CNTRL: variants seen among roughly 807,000 people sequenced by gnomAD.
CNTRL encodes the protein 110 kDa centrosomal protein.
CNTRL carries 233 observed loss-of-function variants against 303.7 expected under a neutral mutation model. The observed-to-expected ratio is 0.77, with a 90% CI of 0.69 to 0.86. CNTRL has a LOEUF of 0.86. Among genes scored for constraint, CNTRL ranks in the 40% least tolerant of loss-of-function variants. The pLI, the probability that CNTRL is intolerant of heterozygous loss-of-function variation, is 0.00. For synonymous variants in CNTRL, 900 were observed against 922.2 expected (o/e 0.98, Z 0.44); for missense variants, 2,524 against 2,650.6 (o/e 0.95, Z 1.05).
In CNTRL at chr9:121,113,524, CAGATGAAAGCCCT is replaced by C; in HGVS notation, c.1146_1158del (p.Asp383ThrfsTer41). On this transcript the variant is annotated frameshift_variant, in exon 10 of 44. Transcript: ENST00000373855. LOFTEE classifies it high-confidence loss of function. ...TAGTATGCTGAAATTGATAAAGCCC[CAGATGAAAGCCCT>C]TACATTGGCAAATCCAGATACAAGA... 9 of 1,581,804 alleles carry C rather than the reference CAGATGAAAGCCCT, an allele frequency of 5.7e-6. No individual in the cohort carries two copies. The highest frequency in any genetic ancestry group is 7.7e-6 in the Non-Finnish European group (9 of 1,169,550).
chr9:121,123,199 T>C (rs2050328652), intron 12 of CNTRL, among the ~76,000 whole-genome samples: 1 of 152,168 alleles, frequency 6.6e-6, no homozygotes, highest in South Asian at 2.1e-4. Context: ...CCAGGTATAA[T>C]TCTTGTTAGC....
chr9:121,123,388 T>C (rs2050339392), intron 12 of CNTRL, among the ~76,000 whole-genome samples: 1 of 152,152 alleles, frequency 6.6e-6, no homozygotes, highest in African/African-American at 2.4e-5. Flanking sequence ...CAGATCAGCC[T>C]GGCCAACATG....
chr9:121,138,633 A>C lies in CNTRL; in HGVS notation c.2291A>C (p.Lys764Thr), dbSNP rs777685191. 2.5e-6 allele frequency: 4 copies of C among 1,613,958 alleles called. No individual in the cohort carries two copies. The South Asian group carries it at 3.3e-5, about 13-fold the overall frequency. ...ALGKAQFSEE[K>T]EQENSELHAK... The stretch of plus-strand genomic sequence containing the variant: ...GGAAAAGCCCAGTTCTCAGAAGAAA[A>C]GGAGCAAGAGAACAGTGAGCTCCAT... Residue 764 changes from lysine to threonine, a missense_variant, in exon 16 of 44, where the codon AAG becomes ACG. By Grantham distance (78) the Lys-to-Thr change is moderately conservative. Coordinates refer to ENST00000373855, the MANE Select transcript of CNTRL (RefSeq NM_007018.6).
chr9:121,173,533 C>T (rs771872350), intron 41 of CNTRL, 24 bp downstream of exon 41: 9 of 1,611,074 alleles, frequency 5.6e-6, no homozygotes, highest in Non-Finnish European at 7.6e-6. Flanking sequence ...CTGCTATTCT[C>T]TGGGTTCGTA....
Position 121,171,422 on chromosome 9 carries a change from G to C in CNTRL, c.6291G>C (p.Glu2097Asp), listed in dbSNP as rs1263584294. 3.0e-5 allele frequency: 48 copies of C among 1,613,886 alleles called. No homozygotes were observed. The highest frequency in any genetic ancestry group is 3.9e-5 in the Non-Finnish European group (46 of 1,179,926). Residue 2097 changes from glutamate to aspartate, a missense_variant, in exon 40 of 44, where the codon GAG (glutamate) becomes GAC (aspartate). Glu to Asp is a conservative substitution (Grantham distance 45). Transcript: ENST00000373855. ...LEKNLLEQKQ[E>D]NSCIQKEMAT... ...TCCTGTGCTAGGAGCAAAAACAGGA[G>C]AACAGCTGCATACAAAAGGAAATGG... is the stretch of plus-strand genomic sequence containing the variant.
In CNTRL at chr9:121,135,787, A is replaced by T; in HGVS notation, c.2026-19A>T. 1 of 1,592,708 alleles carries T rather than the reference A, an allele frequency of 6.3e-7. No individual in the cohort carries two copies. Among genetic ancestry groups the T allele is most frequent in the South Asian group, 1.1e-5 (1 of 88,872 alleles). Reference sequence around the variant, plus strand: ...AGCACAGTGAGGGTTCCATAGTTAAACCCACTGAATCTTTCTAGGAGCTTG... The same window carrying T: ...AGCACAGTGAGGGTTCCATAGTTAATCCCACTGAATCTTTCTAGGAGCTTG... On this transcript the variant is annotated intron_variant, in intron 14 of 43. Transcript: ENST00000373855.
intron 12 of CNTRL, 117 bp downstream of exon 12, chr9:121,118,657 A>C: frequency 1.3e-6 from 1 of 789,306 alleles, no homozygotes; most frequent in Non-Finnish European, 1.9e-6. Context: ...GTACAAATTT[A>C]AGTGATATAT....
At chr9:121,172,545 G>A (rs192413934) in intron 40 of CNTRL, among the ~76,000 whole-genome samples, 1 of 152,226 alleles carries the variant, frequency 6.6e-6, no homozygotes, top group South Asian at 2.1e-4. Context: ...GGAGGCTGAG[G>A]GGGGAGGATT....
chr9:121,120,333 TA>T (rs1485898750), intron 12 of CNTRL, among the ~76,000 whole-genome samples: 6 of 152,230 alleles, frequency 3.9e-5, no homozygotes, highest in Non-Finnish European at 8.8e-5. Context: ...AACAAAAGCC[TA>T]AAAATTGAAA....
At position 121,165,032 on chromosome 9, in the gene CNTRL, T is replaced by G. The variant is rs748013322; in HGVS notation, c.5513T>G (p.Leu1838Arg). 1 of 1,609,956 alleles carries G rather than the reference T, an allele frequency of 6.2e-7. No homozygotes were observed. The highest frequency in any genetic ancestry group is 8.5e-7 in the Non-Finnish European group (1 of 1,178,630). ...ELNVRKLQQE[L>R]DQLNRDKLSL... ...AATGTCAGAAAACTGCAGCAGGAAC[T>G]AGACCAACTAAACAGAGACAAGTTG... Residue 1838 changes from leucine to arginine, a missense_variant, in exon 35 of 44, where the codon CTA (leucine) becomes CGA (arginine). Coordinates refer to ENST00000373855, the MANE Select transcript of CNTRL (RefSeq NM_007018.6).
chr9:121,096,669 C>T, intron 6 of CNTRL, 106 bp downstream of exon 6: 3 of 903,856 alleles, frequency 3.3e-6, no homozygotes, highest in South Asian at 3.4e-5. Flanking sequence ...AGATTTTGCT[C>T]CTTTGACTAA....
intron 14 of CNTRL, among the ~76,000 whole-genome samples, chr9:121,127,045 C>T (rs1240921637): frequency 2.0e-5 from 3 of 152,120 alleles, no homozygotes; most frequent in Non-Finnish European, 4.4e-5. Flanking sequence ...GTCTCGAACT[C>T]CCGACCTCAG....
At chr9:121,173,785 T>C (rs372357452) in intron 42 of CNTRL, 48 bp downstream of exon 42, 52 of 1,540,290 alleles carry the variant, frequency 3.4e-5, no homozygotes, top group African/African-American at 4.1e-5. Flanking sequence ...ACTGGGCACA[T>C]TGGGGAGGGG....
chr9:121,122,434 A>C, intron 12 of CNTRL: 1 of 974,940 alleles, frequency 1.0e-6, no homozygotes, highest in Non-Finnish European at 1.2e-6. Flanking sequence ...GGGGTAAGCA[A>C]ATACATAAAA....
chr9:121,122,346 T>C (rs2050277440), intron 12 of CNTRL: 2 of 946,314 alleles, frequency 2.1e-6, no homozygotes, highest in Non-Finnish European at 1.3e-6. Flanking sequence ...GCTTTACCAG[T>C]AGTAAATTAA....
rs772058029 is a variant in CNTRL at position 121,146,237 on chromosome 9, C to G, written c.3440C>G (p.Pro1147Arg). Residue 1147 changes from proline (P) to arginine (R), a missense_variant, in exon 23 of 44, where the codon CCA becomes CGA. Transcript: ENST00000373855. ...FKRRGYWYFM[P>R]PPPSSKVSSH... The stretch of plus-strand genomic sequence containing the variant: ...AGACGAGGCTATTGGTACTTTATGC[C>G]ACCACCACCATCATCAAAAGTAGGA... 3.1e-6 allele frequency: 5 copies of G among 1,609,242 alleles called. No individual in the cohort carries two copies. The Admixed American group carries it at 8.5e-5, about 27-fold the overall frequency.
At chr9:121,133,636 G>A (rs2051006304) in intron 14 of CNTRL, among the ~76,000 whole-genome samples, 1 of 152,164 alleles carries the variant, frequency 6.6e-6, no homozygotes, top group Non-Finnish European at 1.5e-5. Flanking sequence ...GCCCTGCTTC[G>A]GGTCGCCCTC....
At chr9:121,122,442 A>C (rs944507960) in intron 12 of CNTRL, 1 of 962,392 alleles carries the variant, frequency 1.0e-6, no homozygotes, top group Non-Finnish European at 1.2e-6. Flanking sequence ...CAAATACATA[A>C]AATTGAGTAA....
At chr9:121,103,688 T>G (rs2049302869) in intron 7 of CNTRL, among the ~76,000 whole-genome samples, 1 of 151,924 alleles carries the variant, frequency 6.6e-6, no homozygotes, top group South Asian at 2.1e-4. Flanking sequence ...ACAAAGAACT[T>G]AAATTTACAA....
Sources: allele counts gnomAD v4.1 joint callset (sites outside exome capture counted in the v4.1 genomes callset), GRCh38; gene constraint gnomAD v4.1.1; transcripts MANE v1.5; gene names NCBI Gene and HGNC (gene_info 2026-07-23, HGNC 2026-07-21).